The following ZNF217 variants were observed in gnomAD, a reference collection of about 807,000 sequenced individuals.
ZNF217 encodes the protein zinc finger protein 217.
ZNF217 carries 12 observed loss-of-function variants against 73.3 expected under a neutral mutation model. That is an observed-to-expected ratio of 0.16 (90% CI 0.10 to 0.27). The LOEUF is 0.27. Ranked by LOEUF, ZNF217 falls within the 10% of genes least tolerant of loss-of-function variation. The pLI, the probability that ZNF217 is intolerant of heterozygous loss-of-function variation, is 1.00. For missense variants in ZNF217, 1,195 were observed against 1,327.8 expected, an observed-to-expected ratio of 0.90 and a Z score of 1.55; for synonymous variants, 588 against 516.4, an observed-to-expected ratio of 1.14 and a Z score of -1.88.
At chr20:53,597,597 A>T (rs1600736944), upstream of ZNF217, 1 of 146,924 alleles carries the variant, frequency 6.8e-6, no homozygotes, top group South Asian at 2.1e-4. Context: ...AAATATATTT[A>T]TATATATGTA....
rs1025765672 is a variant in ZNF217 at position 53,568,699 on chromosome 20, G to A, written c.*589C>T. The A allele has an allele frequency of 1.3e-5, 2 of 151,532 alleles. No homozygotes were observed. The highest frequency in any genetic ancestry group is 2.4e-5 in the African/African-American group (1 of 41,130). The allele number at this position is 151,532 out of a possible 1,614,324, so 9.4% of individuals were successfully genotyped here. A position where few individuals can be genotyped will look rare whatever the true frequency, so the allele number is the denominator to read the frequency against. On this transcript the variant is annotated 3_prime_UTR_variant, in exon 6 of 6. Transcript: ENST00000371471. ...TCAATACTTCCATTAACAATTTTAA[G>A]ACAACAATAGATTTGGGTGGATTCA...
upstream of ZNF217, chr20:53,597,685 T>C (rs1468779611): frequency 6.6e-6 from 1 of 152,010 alleles, no homozygotes; most frequent in Non-Finnish European, 1.5e-5. Context: ...GACTTCACTC[T>C]ACCTGGCTCC....
At chr20:53,572,033 C>A (rs1988034253) in intron 4 of ZNF217, among the ~76,000 whole-genome samples, 180 bp from the exon 5 acceptor site, 1 of 152,094 alleles carries the variant, frequency 6.6e-6, no homozygotes, top group South Asian at 2.1e-4. Context: ...CACTTGTTAG[C>A]ACAGAATTTG....
Position 53,576,439 on chromosome 20 carries a change from C to G in ZNF217, c.2325G>C (p.Lys775Asn). Residue 775 changes from lysine (K) to asparagine (N), a missense_variant, in exon 4 of 6, where the codon AAG becomes AAC. Lys to Asn is a moderately conservative substitution (Grantham distance 94). This residue lies in a region of ZNF217 where 649 missense variants were observed against 642.8 expected (regional missense o/e 1.01). Transcript: ENST00000371471. ...ACTGCGCCGGGAAAGCAGACTTGGG[C>G]TTGGGTTTACAGAAACTAGAGAGGG... Reference protein sequence around the residue: ...VPPLSSFCKPKPKSAFPAQSK... With the variant: ...VPPLSSFCKPNPKSAFPAQSK... The G allele has an allele frequency of 6.2e-7, 1 of 1,614,142 alleles. No homozygotes were observed. The highest frequency in any genetic ancestry group is 8.5e-7 in the Non-Finnish European group (1 of 1,179,974).
chr20:53,596,497 T>C (rs1229825213), upstream of ZNF217, among the ~76,000 whole-genome samples: 1 of 152,204 alleles, frequency 6.6e-6, no homozygotes, highest in Non-Finnish European at 1.5e-5. Flanking sequence ...TGAATTCGCC[T>C]GGGAGGGCTT....
chr20:53,570,006 A>G (rs1327310199), intron 5 of ZNF217, among the ~76,000 whole-genome samples: 1 of 152,092 alleles, frequency 6.6e-6, no homozygotes, highest in Non-Finnish European at 1.5e-5. Flanking sequence ...GAAAGCAAAG[A>G]CAGAGCAGGC....
intron 1 of ZNF217, among the ~76,000 whole-genome samples, chr20:53,586,726 C>CA (rs1988707543): frequency 6.6e-6 from 1 of 152,136 alleles, no homozygotes; most frequent in African/African-American, 2.4e-5. Context: ...CAGAATACAG[C>CA]AAAATAGAAA....
intron 2 of ZNF217, among the ~76,000 whole-genome samples, chr20:53,578,767 G>A (rs1051871641): frequency 6.6e-6 from 1 of 152,128 alleles, no homozygotes; most frequent in Non-Finnish European, 1.5e-5. Context: ...GGCAGCTTCC[G>A]GTTCTCAGTG....
chr20:53,569,165 GT>G lies in ZNF217; in HGVS notation c.*122del, dbSNP rs773353054. ...AGATTCCTCATATGTTTTATGTACA[GT>G]ACAATCACAGCTTATTTCAGTAGCT... On this transcript the variant is annotated 3_prime_UTR_variant, in exon 6 of 6. Coordinates refer to ENST00000371471, the MANE Select transcript of ZNF217 (RefSeq NM_006526.3). The G allele has an allele frequency of 2.2e-6, 3 of 1,346,762 alleles. No individual in the cohort carries two copies. Among genetic ancestry groups the G allele is most frequent in the Non-Finnish European group, 3.0e-6 (3 of 1,011,458 alleles). 83.4% of individuals were successfully genotyped at this position (1,346,762 alleles called of 1,614,324 possible). A position where few individuals can be genotyped will look rare whatever the true frequency, so the allele number is the denominator to read the frequency against.
intron 1 of ZNF217, among the ~76,000 whole-genome samples, chr20:53,593,170 C>T (rs1335857068): frequency 6.6e-6 from 1 of 152,202 alleles, no homozygotes; most frequent in South Asian, 2.1e-4. Context: ...GCGTCGGGGT[C>T]CGCGGCGAGG....
chr20:53,575,213 G>A (rs558281793), intron 4 of ZNF217: 2 of 152,434 alleles, frequency 1.3e-5, no homozygotes, highest in African/African-American at 2.4e-5. Flanking sequence ...CAAGCGTGGT[G>A]GAGTGCATCT....
intron 1 of ZNF217, among the ~76,000 whole-genome samples, chr20:53,583,927 G>C (rs1988600191): frequency 6.6e-6 from 1 of 152,194 alleles, no homozygotes; most frequent in South Asian, 2.1e-4. Flanking sequence ...AACAAATAGG[G>C]AAAGACATAC....
Position 53,581,959 on chromosome 20 carries a change from G to A in ZNF217, c.868C>T (p.Leu290Phe), listed in dbSNP as rs1988519485. ...GCCTGGAAGGTGGTGAACGGATCGA[G>A]CTGAGGGATGCATCTGACAGGCTTC... ...GKKPVRCIPQ[L>F]DPFTTFQAWQ... Residue 290 changes from leucine (L) to phenylalanine (F), a missense_variant, in exon 2 of 6, where the codon CTC becomes TTC. Transcript: ENST00000371471. This position sits in a 1 kb window ranked among gnomAD's most constrained non-coding sequence, Gnocchi z 4.9. 10 of 1,614,082 alleles carry A rather than the reference G, an allele frequency of 6.2e-6. No homozygotes were observed. The highest frequency in any genetic ancestry group is 8.5e-6 in the Non-Finnish European group (10 of 1,180,046).
In ZNF217 at chr20:53,576,342, T is replaced by C; in HGVS notation, c.2422A>G (p.Ile808Val). ...GPGKAPLTSG[I>V]DSSTLAPSNL... ...CTTGGGGCTAAAGTGCTAGAGTCTA[T>C]CCCTGAAGTCAGAGGGGCCTTGCCT... Residue 808 changes from isoleucine (I) to valine (V), a missense_variant, in exon 4 of 6, where the codon ATA becomes GTA. By Grantham distance (29) the Ile-to-Val change is conservative (BLOSUM62 3). This residue lies in a region of ZNF217 where 649 missense variants were observed against 642.8 expected (regional missense o/e 1.01). Coordinates refer to ENST00000371471, the MANE Select transcript of ZNF217 (RefSeq NM_006526.3). 3 of 1,614,216 alleles carry C rather than the reference T, an allele frequency of 1.9e-6. No homozygotes were observed. Among genetic ancestry groups the C allele is most frequent in the Non-Finnish European group, 2.5e-6 (3 of 1,180,036 alleles).
intron 4 of ZNF217, chr20:53,572,947 A>T (rs1170926846): frequency 6.6e-6 from 1 of 152,152 alleles, no homozygotes; most frequent in Non-Finnish European, 1.5e-5. Context: ...CAATCTACCT[A>T]TGGGGGAAAT....
In ZNF217 at chr20:53,567,844, A is replaced by T. The variant is rs76344141; in HGVS notation, c.*1444T>A. The T allele has an allele frequency of 8.8e-3, 1,323 of 150,556 alleles. 16 individuals are homozygous for T. The highest frequency in any genetic ancestry group is 0.022 in the African/African-American group (872 of 40,364). The allele number at this position is 150,556 out of a possible 1,614,324, so 9.3% of individuals were successfully genotyped here. A position where few individuals can be genotyped will look rare whatever the true frequency, so the allele number is the denominator to read the frequency against. On this transcript the variant is annotated 3_prime_UTR_variant, in exon 6 of 6. Transcript: ENST00000371471. The stretch of plus-strand genomic sequence containing the variant: ...ACGTTGCATAATTTAAAAAAAAAAA[A>T]TTTTTTCTAGGATTACCCTTGCTCT...
chr20:53,596,150 G>T (rs184748831), upstream of ZNF217, among the ~76,000 whole-genome samples: 2 of 151,864 alleles, frequency 1.3e-5, no homozygotes, highest in African/African-American at 4.8e-5. Flanking sequence ...GAGCAAAAAC[G>T]GTTGTGCTTG....
intron 4 of ZNF217, among the ~76,000 whole-genome samples, chr20:53,573,891 C>T (rs546883299): frequency 2.0e-5 from 3 of 151,982 alleles, no homozygotes; most frequent in South Asian, 2.1e-4. Flanking sequence ...ACCAACATGG[C>T]GAAATGCCGT....
chr20:53,593,168 G>A (rs1330267585), intron 1 of ZNF217, among the ~76,000 whole-genome samples: 4 of 152,056 alleles, frequency 2.6e-5, no homozygotes, highest in Non-Finnish European at 5.9e-5. Context: ...GCGCGTCGGG[G>A]TCCGCGGCGA....
Sources: allele counts gnomAD v4.1 joint callset (sites outside exome capture counted in the v4.1 genomes callset), GRCh38; gene constraint gnomAD v4.1.1; regional missense constraint gnomAD v4.1.1; non-coding constraint Gnocchi (gnomAD v3.1); transcripts MANE v1.5; gene names NCBI Gene and HGNC (gene_info 2026-07-23, HGNC 2026-07-21).